The following MPZL1 variants were observed in gnomAD, a reference collection of about 807,000 sequenced individuals.
The protein encoded by MPZL1 is myelin protein zero like 1.
A neutral mutation model predicts 29.3 loss-of-function variants in MPZL1; 16 were observed. The ratio of observed to expected loss-of-function variants is 0.55; its 90% CI spans 0.37 to 0.83. MPZL1 has a LOEUF of 0.83. Among genes scored for constraint, MPZL1 ranks in the 40% least tolerant of loss-of-function variants. MPZL1 has a pLI of 0.00. For missense variants in MPZL1, 279 were observed against 332.9 expected (o/e 0.84, Z 1.26); for synonymous variants, 143 against 132.0 (o/e 1.08, Z -0.57).
intron 4 of MPZL1, 32 bp from the exon 5 acceptor site, chr1:167,776,032 T>G (rs370738143): frequency 9.2e-6 from 13 of 1,407,796 alleles, no homozygotes; most frequent in Middle Eastern, 2.3e-4. Flanking sequence ...TATTATTTTT[T>G]ACATTTGTTC....
chr1:167,778,877 A>T (rs1044415226), intron 5 of MPZL1, among the ~76,000 whole-genome samples: 1 of 152,152 alleles, frequency 6.6e-6, no homozygotes, highest in Admixed American at 6.5e-5. Context: ...AATAGAAACT[A>T]TCCAAAATGA....
chr1:167,747,818 T>C (rs1163216382), intron 1 of MPZL1, among the ~76,000 whole-genome samples: 2 of 152,182 alleles, frequency 1.3e-5, no homozygotes, highest in Non-Finnish European at 2.9e-5. Context: ...GGTTTTTCAG[T>C]GTATTCACAG....
At chr1:167,761,379 G>A in intron 1 of MPZL1, among the ~76,000 whole-genome samples, 1 of 152,206 alleles carries the variant, frequency 6.6e-6, no homozygotes, top group East Asian at 1.9e-4. Flanking sequence ...AGGTAGGCAA[G>A]AGATGAGATG....
Position 167,761,315 on chromosome 1 carries a change from G to A in MPZL1, c.92-4268G>A, listed in dbSNP as rs544400375. Among the ~76,000 whole-genome samples the A allele has an allele frequency of 1.1e-4, 17 of 152,300 alleles. No individual in the cohort carries two copies. In the South Asian group the frequency reaches 3.1e-3, roughly 28 times the overall value. ...TTATATTGCTGCTGGTGGTAATTCA[G>A]TAGTGAGTGAAAAATTCAGAAGAGG... On this transcript the variant is annotated intron_variant, in intron 1 of 5. Transcript: ENST00000359523.
At chr1:167,764,907 AT>A (rs1661079258) in intron 1 of MPZL1, among the ~76,000 whole-genome samples, 1 of 152,244 alleles carries the variant, frequency 6.6e-6, no homozygotes, top group South Asian at 2.1e-4. Context: ...ATGCTGTATA[AT>A]TTTAACTAGA....
chr1:167,747,441 TC>T (rs1201144457), intron 1 of MPZL1, among the ~76,000 whole-genome samples: 1 of 152,184 alleles, frequency 6.6e-6, no homozygotes, highest in Admixed American at 6.5e-5. Flanking sequence ...CCCAGGCTGG[TC>T]TAGAACTCCT....
intron 1 of MPZL1, among the ~76,000 whole-genome samples, chr1:167,729,291 A>G (rs867317798): frequency 6.6e-6 from 1 of 151,810 alleles, no homozygotes. Flanking sequence ...AAAAAAAAAG[A>G]TGCTGTTATT....
intron 1 of MPZL1, among the ~76,000 whole-genome samples, chr1:167,739,266 C>CATATATATATAT (rs1660451236): frequency 2.1e-5 from 2 of 97,176 alleles, no homozygotes; most frequent in African/African-American, 1.2e-4. Context: ...CATACACATA[C>CATATATATATAT]ATATATACAT....
intron 1 of MPZL1, among the ~76,000 whole-genome samples, chr1:167,749,642 T>TC (rs1660716435): frequency 6.6e-6 from 1 of 152,344 alleles, no homozygotes; most frequent in Non-Finnish European, 1.5e-5. Context: ...TATACACTGA[T>TC]CAAGTCAGTG....
At chr1:167,780,694 A>G (rs972296922) in intron 5 of MPZL1, among the ~76,000 whole-genome samples, 1 of 152,206 alleles carries the variant, frequency 6.6e-6, no homozygotes, top group African/African-American at 2.4e-5. Flanking sequence ...ACAGTGGTCC[A>G]GTTCATAGAG....
intron 1 of MPZL1, among the ~76,000 whole-genome samples, chr1:167,749,822 G>A (rs1660719597): frequency 1.3e-5 from 2 of 152,192 alleles, no homozygotes; most frequent in Non-Finnish European, 1.5e-5. Context: ...TTAATTAGAG[G>A]TGAAATAGAG....
At chr1:167,777,123 C>G (rs893021632) in intron 5 of MPZL1, among the ~76,000 whole-genome samples, 3 of 152,198 alleles carry the variant, frequency 2.0e-5, no homozygotes, top group Non-Finnish European at 4.4e-5. Context: ...CTGTCTGTCT[C>G]TCTCTCACAT....
chr1:167,751,002 C>T (rs976318032), intron 1 of MPZL1, among the ~76,000 whole-genome samples: 2 of 152,192 alleles, frequency 1.3e-5, no homozygotes, highest in African/African-American at 2.4e-5. Flanking sequence ...AGGAACACCA[C>T]GGAAGTAATG....
chr1:167,741,279 C>T (rs138880334), intron 1 of MPZL1, among the ~76,000 whole-genome samples: 6,578 of 150,348 alleles, frequency 0.044, 491 homozygotes, highest in African/African-American at 0.15. Context: ...GCCTCAGCCT[C>T]CCAAAGTGCT....
At chr1:167,766,593 G>A (rs946559624) in intron 2 of MPZL1, among the ~76,000 whole-genome samples, 1 of 152,196 alleles carries the variant, frequency 6.6e-6, no homozygotes, top group Non-Finnish European at 1.5e-5. Flanking sequence ...GTTTCAGGTT[G>A]TCAGTGTTTA....
chr1:167,782,003 A>G (rs1407243141), intron 5 of MPZL1, among the ~76,000 whole-genome samples: 2 of 151,970 alleles, frequency 1.3e-5, no homozygotes, highest in Non-Finnish European at 2.9e-5. Flanking sequence ...CTCTGATTAT[A>G]TGTGTATTAT....
chr1:167,779,374 C>G (rs1254227386), intron 5 of MPZL1, among the ~76,000 whole-genome samples: 1 of 151,998 alleles, frequency 6.6e-6, no homozygotes, highest in Non-Finnish European at 1.5e-5. Flanking sequence ...CACCTGAGGT[C>G]AGGAGTTCGA....
intron 1 of MPZL1, among the ~76,000 whole-genome samples, chr1:167,727,886 T>TTTTTTTTA (rs1660182018): frequency 6.6e-6 from 1 of 150,676 alleles, no homozygotes; most frequent in Non-Finnish European, 1.5e-5. Context: ...TTTTTTTTTT[T>TTTTTTTTA]GAGACAGAGT....
chr1:167,755,193 T>A (rs1380384132), intron 1 of MPZL1, among the ~76,000 whole-genome samples: 20 of 152,220 alleles, frequency 1.3e-4, no homozygotes, highest in Admixed American at 9.8e-4. Context: ...TTTTTAAAAA[T>A]TTTTTGCTGT....
Sources: allele counts gnomAD v4.1 joint callset (sites outside exome capture counted in the v4.1 genomes callset), GRCh38; gene constraint gnomAD v4.1.1; transcripts MANE v1.5; gene names NCBI Gene and HGNC (gene_info 2026-07-23, HGNC 2026-07-21).